RAB6A: variants seen among roughly 807,000 people sequenced by gnomAD.
RAB6A encodes the protein ras-related protein Rab-6A.
A neutral mutation model predicts 32.3 loss-of-function variants in RAB6A; 8 were observed. The observed-to-expected ratio is 0.25, with a 90% CI of 0.15 to 0.45. The LOEUF is 0.45. Ranked by LOEUF, RAB6A falls within the 20% of genes least tolerant of loss-of-function variation. The pLI, the probability that RAB6A is intolerant of heterozygous loss-of-function variation, is 1.00. For missense variants in RAB6A, 104 were observed against 249.4 expected (o/e 0.42, Z 3.93); for synonymous variants, 73 against 82.1 (o/e 0.89, Z 0.60).
intron 5 of RAB6A, among the ~76,000 whole-genome samples, chr11:73,714,616 C>T (rs201031918): frequency 2.1e-4 from 31 of 150,926 alleles, no homozygotes; most frequent in East Asian, 1.2e-3. Flanking sequence ...GAGCCGAGAT[C>T]GCGCCATGGC....
At chr11:73,736,087 T>G (rs1946389488) in intron 1 of RAB6A, among the ~76,000 whole-genome samples, 1 of 151,450 alleles carries the variant, frequency 6.6e-6, no homozygotes, top group African/African-American at 2.4e-5. Flanking sequence ...GCCTCCAGAG[T>G]AGCAGACGAT....
At chr11:73,707,922 G>T (rs954025691) in intron 5 of RAB6A, among the ~76,000 whole-genome samples, 3 of 152,026 alleles carry the variant, frequency 2.0e-5, no homozygotes, top group Admixed American at 2.0e-4. Flanking sequence ...AACAAAAAAC[G>T]CTTAATAGCT....
At chr11:73,742,878 A>C (rs1946520700) in intron 1 of RAB6A, among the ~76,000 whole-genome samples, 1 of 152,174 alleles carries the variant, frequency 6.6e-6, no homozygotes, top group Admixed American at 6.6e-5. Flanking sequence ...AAAACTATTA[A>C]ATGCTAGGAA....
rs539849945 is a variant in RAB6A, at chr11:73,734,449, A to G, written c.71-3626T>C. 8.6e-5 allele frequency among the ~76,000 whole-genome samples: 13 copies of G among 151,322 alleles called. No homozygotes were observed. In the East Asian group the frequency reaches 2.5e-3, roughly 29 times the overall value. ...CCAGTTTATCCAGTTTAATAGTGAGAAAAAAAAATGGCAAACCCAAATTGG... is the reference window on the plus strand; with the variant it reads ...CCAGTTTATCCAGTTTAATAGTGAGGAAAAAAAATGGCAAACCCAAATTGG... On this transcript the variant is annotated intron_variant, in intron 1 of 7. Coordinates refer to ENST00000336083, the MANE Select transcript of RAB6A (RefSeq NM_198896.2).
intron 6 of RAB6A, among the ~76,000 whole-genome samples, chr11:73,689,790 T>C (rs1468401017): frequency 6.6e-6 from 1 of 151,820 alleles, no homozygotes; most frequent in East Asian, 1.9e-4. Flanking sequence ...CCCAACTACT[T>C]TGGGCAGATG....
rs139932184 is a variant in RAB6A, at chr11:73,736,613, G to A, written c.71-5790C>T. Among the ~76,000 whole-genome samples the A allele has an allele frequency of 7.4e-3, 1,121 of 151,780 alleles. 10 individuals are homozygous for A. Among genetic ancestry groups the A allele is most frequent in the Middle Eastern group, 0.02 (6 of 294 alleles). ...TTGAGACCAGCCTGGCCAGCATGGT[G>A]AAATTCTGTCTGTACTAAAAATGCA... is the stretch of plus-strand genomic sequence containing the variant. On this transcript the variant is annotated intron_variant, in intron 1 of 7. Coordinates refer to ENST00000336083, the MANE Select transcript of RAB6A (RefSeq NM_198896.2).
chr11:73,757,921 G>T (rs1276815090), intron 1 of RAB6A, among the ~76,000 whole-genome samples: 1 of 152,144 alleles, frequency 6.6e-6, no homozygotes, highest in Non-Finnish European at 1.5e-5. Context: ...GAACAAAAAA[G>T]AATAGTTTTT....
In RAB6A at chr11:73,741,366, G is replaced by T. The variant is rs140337072; in HGVS notation, c.71-10543C>A. ...TTGGCCAGGCTGGTCTTGAACTCCTGACCTAAGGTGATCCACCCACCTCGG... is the reference window on the plus strand; with the variant it reads ...TTGGCCAGGCTGGTCTTGAACTCCTTACCTAAGGTGATCCACCCACCTCGG... On this transcript the variant is annotated intron_variant, in intron 1 of 7. Coordinates refer to ENST00000336083, the MANE Select transcript of RAB6A (RefSeq NM_198896.2). 5.5e-3 allele frequency among the ~76,000 whole-genome samples: 836 copies of T among 152,180 alleles called. 6 individuals carry two copies. Among genetic ancestry groups the T allele is most frequent in the African/African-American group, 0.017 (710 of 41,518 alleles).
intron 3 of RAB6A, among the ~76,000 whole-genome samples, chr11:73,719,188 A>G (rs76213116): frequency 0.014 from 2,156 of 152,308 alleles, 24 homozygotes; most frequent in Non-Finnish European, 0.02. Flanking sequence ...TTGAATCCCT[A>G]TGCCTTTCAA....
At chr11:73,745,073 G>A (rs999089776) in intron 1 of RAB6A, among the ~76,000 whole-genome samples, 14 of 151,870 alleles carry the variant, frequency 9.2e-5, no homozygotes, top group Admixed American at 5.3e-4. Context: ...ACACTTAAGT[G>A]TAGAAATTTT....
At chr11:73,701,719 T>C (rs746028131) in intron 6 of RAB6A, among the ~76,000 whole-genome samples, 2 of 151,552 alleles carry the variant, frequency 1.3e-5, no homozygotes, top group Non-Finnish European at 2.9e-5. Flanking sequence ...AGTGGTGTGA[T>C]CTCAGCTCAC....
At chr11:73,741,189 T>G (rs1264424208) in intron 1 of RAB6A, among the ~76,000 whole-genome samples, 1 of 151,226 alleles carries the variant, frequency 6.6e-6, no homozygotes. Flanking sequence ...CAGGCTGGAA[T>G]GCGGTGGCGC....
intron 3 of RAB6A, among the ~76,000 whole-genome samples, chr11:73,719,295 G>A (rs1946098715): frequency 6.6e-6 from 1 of 152,246 alleles, no homozygotes; most frequent in African/African-American, 2.4e-5. Flanking sequence ...TAAGCTATCA[G>A]AGTAAAGGAA....
At chr11:73,721,010 T>A in intron 2 of RAB6A, 111 bp from the exon 3 acceptor site, 1 of 809,548 alleles carries the variant, frequency 1.2e-6, no homozygotes, top group Non-Finnish European at 2.1e-6. Context: ...AACAAATCAA[T>A]ACAACATAGT....
intron 6 of RAB6A, among the ~76,000 whole-genome samples, chr11:73,706,352 A>T (rs1004507253): frequency 5.9e-5 from 9 of 151,960 alleles, no homozygotes. Flanking sequence ...CGTCTCTACT[A>T]AAAATACAAG....
chr11:73,720,276 A>G (rs1174080684), intron 3 of RAB6A, among the ~76,000 whole-genome samples: 1 of 147,594 alleles, frequency 6.8e-6, no homozygotes, highest in Non-Finnish European at 1.5e-5. Context: ...TGCATCCTGG[A>G]TTCAAGCGAT....
At chr11:73,691,227 T>G (rs1218471457) in intron 6 of RAB6A, among the ~76,000 whole-genome samples, 1 of 152,186 alleles carries the variant, frequency 6.6e-6, no homozygotes, top group African/African-American at 2.4e-5. Flanking sequence ...GGACTCTGGC[T>G]GTGGGGTCAT....
Position 73,743,036 on chromosome 11 carries a change from G to A in RAB6A, c.71-12213C>T, listed in dbSNP as rs147525470. Reference sequence around the variant, plus strand: ...AAGCACTGTAAGGCCAAGCACGGTGGCTCACGCCTGTAATCCCAGCACTTT... The same window carrying A: ...AAGCACTGTAAGGCCAAGCACGGTGACTCACGCCTGTAATCCCAGCACTTT... On this transcript the variant is annotated intron_variant, in intron 1 of 7. Transcript: ENST00000336083. Among the ~76,000 whole-genome samples the A allele has an allele frequency of 2.3e-3, 353 of 152,164 alleles. 2 individuals are homozygous for A. Among genetic ancestry groups the A allele is most frequent in the African/African-American group, 8.0e-3 (332 of 41,520 alleles).
intron 2 of RAB6A, chr11:73,722,384 C>G (rs1310033011): frequency 7.8e-6 from 1 of 127,620 alleles, no homozygotes; most frequent in African/African-American, 3.1e-5. Context: ...GTCTCACACT[C>G]TTGCCCAAGC....
Sources: allele counts gnomAD v4.1 joint callset (sites outside exome capture counted in the v4.1 genomes callset), GRCh38; gene constraint gnomAD v4.1.1; transcripts MANE v1.5; gene names NCBI Gene and HGNC (gene_info 2026-07-23, HGNC 2026-07-21).